Variants in TTC28 observed in about 807,000 individuals in gnomAD.
The protein encoded by TTC28 is tetratricopeptide repeat domain 28, also known as tetratricopeptide repeat protein 28.
In TTC28, 61 loss-of-function variants were observed where a neutral mutation model predicts 198.0. The observed-to-expected ratio is 0.31, with a 90% CI of 0.25 to 0.38. The LOEUF is 0.38. Among genes scored for constraint, TTC28 ranks in the 10% least tolerant of loss-of-function variants. TTC28 has a pLI of 1.00. For synonymous variants in TTC28, 1,171 were observed against 1,297.8 expected, an observed-to-expected ratio of 0.90 and a Z score of 2.10; for missense variants, 2,678 against 3,164.0, an observed-to-expected ratio of 0.85 and a Z score of 3.69.
intron 5 of TTC28, among the ~76,000 whole-genome samples, chr22:28,218,686 T>G (rs575909704): frequency 1.2e-4 from 18 of 152,226 alleles, no homozygotes; most frequent in Non-Finnish European, 2.2e-4. Flanking sequence ...TTACATGTAC[T>G]ACCCATTTAA....
chr22:28,341,939 A>G (rs1355281342), intron 2 of TTC28, among the ~76,000 whole-genome samples: 1 of 152,210 alleles, frequency 6.6e-6, no homozygotes, highest in Non-Finnish European at 1.5e-5. Flanking sequence ...TGATCATGCC[A>G]CTGAACTCCA....
intron 12 of TTC28, among the ~76,000 whole-genome samples, chr22:28,054,870 G>C (rs1402901255): frequency 6.6e-6 from 1 of 152,136 alleles, no homozygotes; most frequent in Non-Finnish European, 1.5e-5. Context: ...CAAGGGTTTG[G>C]TTATATAAAA....
chr22:27,992,799 G>GT (rs1937463489), intron 18 of TTC28, 136 bp from the exon 19 acceptor site: 1 of 787,206 alleles, frequency 1.3e-6, no homozygotes. Context: ...CTAGACATGT[G>GT]TGTCTGTGTG....
chr22:28,182,799 A>C (rs1327746474), intron 5 of TTC28, among the ~76,000 whole-genome samples: 2 of 152,258 alleles, frequency 1.3e-5, no homozygotes, highest in African/African-American at 4.8e-5. Flanking sequence ...CCCAGATTTC[A>C]CAACAAACAA....
chr22:28,229,071 G>A (rs187394652), intron 5 of TTC28, among the ~76,000 whole-genome samples: 78 of 152,164 alleles, frequency 5.1e-4, no homozygotes, highest in Middle Eastern at 6.8e-3. Flanking sequence ...CAGGAGAATC[G>A]CTCGAACCTG....
At chr22:28,390,667 C>A (rs970836845) in intron 2 of TTC28, among the ~76,000 whole-genome samples, 1 of 152,024 alleles carries the variant, frequency 6.6e-6, no homozygotes, top group African/African-American at 2.4e-5. Flanking sequence ...GATTACAACC[C>A]CTGCCTTTTT....
At position 27,982,845 on chromosome 22, in the gene TTC28, G is replaced by A. The variant is rs373286553; in HGVS notation, c.6822C>T (p.Cys2274=). ...SQHSGRPSPG[C]DSQTSQLDQP... ...GGTCCAGCTGGGAAGTCTGTGAGTC[G>A]CAGCCGGGCGATGGCCGGCCACTGT... Residue 2274 remains cysteine, a synonymous_variant, in exon 23 of 23, where the codon TGC becomes TGT. Transcript: ENST00000397906. The surrounding 1 kb of genome is among the most constrained non-coding windows in gnomAD (Gnocchi z 5.2). 137 of 1,541,974 alleles carry A rather than the reference G, an allele frequency of 8.9e-5. No individual in the cohort carries two copies. The highest frequency in any genetic ancestry group is 4.2e-5 in the Non-Finnish European group (48 of 1,141,256).
At chr22:28,123,459 G>A (rs1942840829) in intron 6 of TTC28, among the ~76,000 whole-genome samples, 1 of 152,038 alleles carries the variant, frequency 6.6e-6, no homozygotes, top group Non-Finnish European at 1.5e-5. Flanking sequence ...GTTTCACCAT[G>A]TTGGCCAGGC....
At chr22:28,271,718 C>G (rs1042022157) in intron 5 of TTC28, among the ~76,000 whole-genome samples, 1 of 152,160 alleles carries the variant, frequency 6.6e-6, no homozygotes, top group Non-Finnish European at 1.5e-5. Flanking sequence ...AATTCTCCAG[C>G]CTCAGCCTCC....
chr22:28,224,092 T>A (rs1037673044), intron 5 of TTC28, among the ~76,000 whole-genome samples: 1 of 152,176 alleles, frequency 6.6e-6, no homozygotes, highest in African/African-American at 2.4e-5. Context: ...TGGCAACTAG[T>A]GGGCAGAGGT....
intron 5 of TTC28, among the ~76,000 whole-genome samples, chr22:28,277,365 CAG>C (rs1285935112): frequency 6.6e-6 from 1 of 152,118 alleles, no homozygotes; most frequent in East Asian, 1.9e-4. Flanking sequence ...GCTTAGAAAA[CAG>C]ACTATTTTTA....
At chr22:28,560,143 C>T (rs1043627650) in intron 2 of TTC28, among the ~76,000 whole-genome samples, 5 of 152,200 alleles carry the variant, frequency 3.3e-5, no homozygotes, top group African/African-American at 1.2e-4. Context: ...CTTGATTCCT[C>T]GCTTTCTTTC....
In TTC28 at chr22:28,631,044, A is replaced by G. The variant is rs375734138; in HGVS notation, c.103-1214T>C. Among the ~76,000 whole-genome samples the G allele has an allele frequency of 1.1e-4, 16 of 152,326 alleles. No individual in the cohort carries two copies. The East Asian group carries it at 2.7e-3, about 26-fold the overall frequency. On this transcript the variant is annotated intron_variant, in intron 1 of 22. Transcript: ENST00000397906. ...TGAAGCAGGAGGATCACTTTAGCCC[A>G]GGAATTTAATACTATAGTGTGCTAC...
In TTC28 at chr22:28,413,027, T is replaced by C. The variant is rs182421517; in HGVS notation, c.382-106384A>G. ...CATTATTTAGCATGTTTGTGAAAAA[T>C]CATCTCACTCGCTGTGTTATTTATA... On this transcript the variant is annotated intron_variant, in intron 2 of 22. Transcript: ENST00000397906. 3.3e-5 allele frequency among the ~76,000 whole-genome samples: 5 copies of C among 152,316 alleles called. No homozygotes were observed. The East Asian group carries it at 9.6e-4, about 29-fold the overall frequency.
chr22:28,238,986 C>G (rs1413916837), intron 5 of TTC28, among the ~76,000 whole-genome samples: 1 of 152,180 alleles, frequency 6.6e-6, no homozygotes, highest in African/African-American at 2.4e-5. Flanking sequence ...CTCCTTACGA[C>G]ATGACCTGCA....
In TTC28 at chr22:28,288,652, C is replaced by CA. The variant is rs532890396; in HGVS notation, c.933+7545dup. On this transcript the variant is annotated intron_variant, in intron 5 of 22. Coordinates refer to ENST00000397906, the MANE Select transcript of TTC28 (RefSeq NM_001145418.2). Reference sequence around the variant, plus strand: ...GAAACCCCGTCTCTACTAAAAAATACAAAAAAAAAAAATAGCCAGGCGTTG... The same window carrying CA: ...GAAACCCCGTCTCTACTAAAAAATACAAAAAAAAAAAAATAGCCAGGCGTTG... Among the ~76,000 whole-genome samples the CA allele has an allele frequency of 3.3e-3, 459 of 139,626 alleles. 1 individual carries two copies. Among genetic ancestry groups the CA allele is most frequent in the East Asian group, 0.012 (60 of 4,870 alleles). 91.6% of individuals were successfully genotyped at this position (139,626 alleles called of 152,430 possible).
intron 6 of TTC28, among the ~76,000 whole-genome samples, chr22:28,112,803 G>C (rs982685139): frequency 6.6e-6 from 1 of 152,190 alleles, no homozygotes; most frequent in Non-Finnish European, 1.5e-5. Context: ...GCAGGGGCGT[G>C]CTAGGTGACA....
At chr22:28,199,363 A>G (rs1407996803) in intron 5 of TTC28, among the ~76,000 whole-genome samples, 1 of 143,920 alleles carries the variant, frequency 6.9e-6, no homozygotes, top group African/African-American at 2.6e-5. Flanking sequence ...CTTAAAGTAT[A>G]ATGCCACTTA....
chr22:28,411,856 A>G (rs1353691584), intron 2 of TTC28, among the ~76,000 whole-genome samples: 2 of 152,244 alleles, frequency 1.3e-5, no homozygotes, highest in Non-Finnish European at 2.9e-5. Context: ...AGATCTAGCC[A>G]ACAGAATCAT....
Sources: allele counts gnomAD v4.1 joint callset (sites outside exome capture counted in the v4.1 genomes callset), GRCh38; gene constraint gnomAD v4.1.1; non-coding constraint Gnocchi (gnomAD v3.1); transcripts MANE v1.5; gene names NCBI Gene and HGNC (gene_info 2026-07-23, HGNC 2026-07-21).